Variants in PHIP observed in about 807,000 individuals in gnomAD.
PHIP encodes PHIP subunit of CUL4-Ring ligase complex.
In PHIP, 54 loss-of-function variants were observed where a neutral mutation model predicts 236.8. The ratio of observed to expected loss-of-function variants is 0.23; its 90% CI spans 0.18 to 0.29. The LOEUF (loss-of-function observed/expected upper bound fraction) is 0.29. Ranked by LOEUF, PHIP falls within the 10% of genes least tolerant of loss-of-function variation. The pLI, the probability that PHIP is intolerant of heterozygous loss-of-function variation, is 1.00. For missense variants in PHIP, 1,370 were observed against 2,190.8 expected, an observed-to-expected ratio of 0.63 and a Z score of 7.48; for synonymous variants, 756 against 718.9, an observed-to-expected ratio of 1.05 and a Z score of -0.83.
At chr6:78,948,480 C>T (rs1013321561) in intron 35 of PHIP, among the ~76,000 whole-genome samples, 2 of 151,702 alleles carry the variant, frequency 1.3e-5, no homozygotes, top group Admixed American at 6.6e-5. Flanking sequence ...TTTTTTTTAG[C>T]AGGGACAAAG....
chr6:79,053,151 T>C (rs1179463203), intron 6 of PHIP, among the ~76,000 whole-genome samples: 3 of 151,946 alleles, frequency 2.0e-5, no homozygotes, highest in Non-Finnish European at 4.4e-5. Context: ...CCGTCTCTAC[T>C]AAAAATACAA....
At chr6:78,946,322 T>C (rs911259547) in intron 37 of PHIP, 62 bp from the exon 38 acceptor site, 85 of 1,488,972 alleles carry the variant, frequency 5.7e-5, no homozygotes, top group Non-Finnish European at 7.5e-5. Flanking sequence ...TAAAACAGTT[T>C]ATAATATTTT....
chr6:78,943,628 GAAT>G (rs1293039760), intron 39 of PHIP, among the ~76,000 whole-genome samples: 3 of 152,102 alleles, frequency 2.0e-5, no homozygotes, highest in Non-Finnish European at 4.4e-5. Flanking sequence ...ATGTGAAAAT[GAAT>G]AATATGATCA....
chr6:78,961,821 T>C lies in PHIP; in HGVS notation c.3536-11A>G, dbSNP rs749169248. 2.8e-5 allele frequency: 44 copies of C among 1,585,544 alleles called. No homozygotes were observed. Among genetic ancestry groups the C allele is most frequent in the Non-Finnish European group, 2.1e-5 (24 of 1,166,536 alleles). ...ATGCTGAGGCAATATCTAAAATAAA[T>C]AGATAAGTTTGTAAATTTATTTTTG... On this transcript the variant is annotated splice_polypyrimidine_tract_variant and intron_variant, in intron 30 of 39. Coordinates refer to ENST00000275034, the MANE Select transcript of PHIP (RefSeq NM_017934.7).
At chr6:79,010,347 C>T (rs190422908) in intron 15 of PHIP, among the ~76,000 whole-genome samples, 158 of 150,884 alleles carry the variant, frequency 1.0e-3, no homozygotes, top group Non-Finnish European at 2.0e-3. Context: ...TCGTTTGGAA[C>T]GTTGCAAGGA....
chr6:78,957,834 G>C (rs913526736), intron 32 of PHIP: 1 of 151,972 alleles, frequency 6.6e-6, no homozygotes, highest in African/African-American at 2.4e-5. Flanking sequence ...AAGTACTTCT[G>C]CCTTAATAAA....
At chr6:79,019,585 T>C (rs1562184038) in intron 9 of PHIP, among the ~76,000 whole-genome samples, 1 of 152,110 alleles carries the variant, frequency 6.6e-6, no homozygotes, top group South Asian at 2.1e-4. Context: ...AACTGAACTT[T>C]TTCAGTATTT....
chr6:78,947,522 A>AAG (rs2127683492), intron 36 of PHIP, 101 bp downstream of exon 36: 1 of 596,132 alleles, frequency 1.7e-6, no homozygotes, highest in East Asian at 2.9e-5. Context: ...ATGTAACAGA[A>AAG]AGTTAACTTT....
intron 6 of PHIP, among the ~76,000 whole-genome samples, chr6:79,055,478 T>A (rs9343865): frequency 0.26 from 40,047 of 152,102 alleles, 5,621 homozygotes; most frequent in Non-Finnish European, 0.31. Context: ...TACTAAAGAT[T>A]CGCTAATACC....
rs966622241 is a variant in PHIP at position 78,947,841 on chromosome 6, G to A, written c.4054-66C>T. The A allele has an allele frequency of 5.5e-6, 6 of 1,097,474 alleles. No homozygotes were observed. The African/African-American group carries it at 6.3e-5, about 12-fold the overall frequency. 68.0% of individuals were successfully genotyped at this position (1,097,474 alleles called of 1,614,324 possible). On this transcript the variant is annotated intron_variant, in intron 35 of 39. Transcript: ENST00000275034. ...ACAAAGCATCACTTCTCAGTGCAGGGATTCGCACAGGATTTTTATGATGAC... is the reference window on the plus strand; with the variant it reads ...ACAAAGCATCACTTCTCAGTGCAGGAATTCGCACAGGATTTTTATGATGAC...
intron 4 of PHIP, among the ~76,000 whole-genome samples, chr6:79,074,738 C>T (rs573093338): frequency 2.6e-5 from 4 of 152,166 alleles, no homozygotes; most frequent in Admixed American, 2.0e-4. Flanking sequence ...TTGAAATGAA[C>T]GCATCAATTT....
intron 6 of PHIP, among the ~76,000 whole-genome samples, chr6:79,059,478 T>C (rs571403641): frequency 6.6e-6 from 1 of 151,490 alleles, no homozygotes; most frequent in South Asian, 2.1e-4. Context: ...TGATTATATG[T>C]AAATGACTAA....
chr6:78,942,017 AG>A (rs1773527703), intron 39 of PHIP, among the ~76,000 whole-genome samples: 1 of 140,862 alleles, frequency 7.1e-6, no homozygotes, highest in African/African-American at 2.5e-5. Context: ...AGGAACTACC[AG>A]TAACTAACTC....
chr6:78,965,770 A>G lies in PHIP; in HGVS notation c.3318-6T>C. On this transcript the variant is annotated splice_region_variant and splice_polypyrimidine_tract_variant and intron_variant, in intron 28 of 39. Transcript: ENST00000275034. Reference sequence around the variant, plus strand: ...CTGTATCTCCATTGTCCCAGCTTAAAGAAAGAAAAATCATTATATTAAAAA... The same window carrying G: ...CTGTATCTCCATTGTCCCAGCTTAAGGAAAGAAAAATCATTATATTAAAAA... 1 of 1,503,790 alleles carries G rather than the reference A, an allele frequency of 6.6e-7. No homozygotes were observed. Among genetic ancestry groups the G allele is most frequent in the Non-Finnish European group, 9.2e-7 (1 of 1,089,984 alleles). The allele number at this position is 1,503,790 out of a possible 1,614,324, so 93.2% of individuals were successfully genotyped here.
chr6:79,032,480 A>C (rs1186947518), intron 7 of PHIP, among the ~76,000 whole-genome samples: 3 of 152,212 alleles, frequency 2.0e-5, no homozygotes, highest in African/African-American at 7.2e-5. Context: ...CATTTCAACA[A>C]TGTTCACAGC....
intron 7 of PHIP, among the ~76,000 whole-genome samples, chr6:79,028,147 G>A (rs1013022666): frequency 5.9e-5 from 9 of 152,068 alleles, no homozygotes; most frequent in Admixed American, 5.9e-4. Flanking sequence ...CAGCCTGCAA[G>A]GTAATTTAGA....
intron 7 of PHIP, among the ~76,000 whole-genome samples, chr6:79,039,950 AAAT>A (rs936338510): frequency 3.3e-5 from 5 of 152,144 alleles, no homozygotes; most frequent in Non-Finnish European, 7.4e-5. Flanking sequence ...CTGTCATACA[AAAT>A]AATGATACAT....
rs150457840 is a variant in PHIP, at chr6:78,984,882, T to C, written c.2537+470A>G. Among the ~76,000 whole-genome samples, 191 of 152,314 alleles carry C rather than the reference T, an allele frequency of 1.3e-3. 3 individuals carry two copies. The East Asian group carries it at 0.032, about 26-fold the overall frequency. ...CAAAGTTAGCCAAGGTCATAAGCTC[T>C]GCAACAATGTGAATCGCCAGTATAA... On this transcript the variant is annotated intron_variant, in intron 22 of 39. Coordinates refer to ENST00000275034, the MANE Select transcript of PHIP (RefSeq NM_017934.7).
At chr6:79,005,029 C>A (rs1053459006) in intron 15 of PHIP, among the ~76,000 whole-genome samples, 1 of 151,870 alleles carries the variant, frequency 6.6e-6, no homozygotes, top group Non-Finnish European at 1.5e-5. Flanking sequence ...CTTTGGCTTG[C>A]TAAAAAGAAG....
Sources: allele counts gnomAD v4.1 joint callset (sites outside exome capture counted in the v4.1 genomes callset), GRCh38; gene constraint gnomAD v4.1.1; transcripts MANE v1.5; gene names NCBI Gene and HGNC (gene_info 2026-07-23, HGNC 2026-07-21).